The following UNC13C variants were observed in gnomAD, a reference collection of about 807,000 sequenced individuals.
The protein encoded by UNC13C is protein unc-13 homolog C.
UNC13C carries 174 observed loss-of-function variants against 245.4 expected under a neutral mutation model. The ratio of observed to expected loss-of-function variants is 0.71; its 90% CI spans 0.63 to 0.80. The LOEUF is 0.80. Ranked by LOEUF, UNC13C falls within the 30% of genes least tolerant of loss-of-function variation. The pLI is 0.00. For synonymous variants in UNC13C, 992 were observed against 895.1 expected, an observed-to-expected ratio of 1.11 and a Z score of -1.93; for missense variants, 2,829 against 2,602.9, an observed-to-expected ratio of 1.09 and a Z score of -1.89.
chr15:53,860,569 C>G, the UNC13C span, among the ~76,000 whole-genome samples: 1 of 152,112 alleles, frequency 6.6e-6, no homozygotes, highest in South Asian at 2.1e-4. Flanking sequence ...AAATCTGAAT[C>G]TCTCTTAGAA....
chr15:54,363,438 A>G (rs1276849185), intron 17 of UNC13C, among the ~76,000 whole-genome samples: 1 of 152,210 alleles, frequency 6.6e-6, no homozygotes, highest in East Asian at 1.9e-4. Context: ...CGAGGTGAAT[A>G]TGTCACAAGT....
At chr15:54,482,597 C>G (rs1253840670) in intron 19 of UNC13C, among the ~76,000 whole-genome samples, 5 of 60,044 alleles carry the variant, frequency 8.3e-5, no homozygotes, top group Non-Finnish European at 1.8e-4. Context: ...CAGAAGTTCT[C>G]TGTCTCTTCC....
intron 13 of UNC13C, among the ~76,000 whole-genome samples, chr15:54,317,359 C>T (rs573155597): frequency 1.1e-4 from 16 of 151,820 alleles, no homozygotes; most frequent in Admixed American, 2.0e-4. Context: ...CACATATAAC[C>T]TATGAATTAT....
At chr15:54,221,529 A>C (rs957152108) in intron 4 of UNC13C, among the ~76,000 whole-genome samples, 3 of 151,944 alleles carry the variant, frequency 2.0e-5, no homozygotes, top group Admixed American at 2.0e-4. Context: ...ATAGGTTTTC[A>C]TAGGTTATCA....
At chr15:54,459,731 A>G (rs1891734858) in intron 19 of UNC13C, among the ~76,000 whole-genome samples, 1 of 150,752 alleles carries the variant, frequency 6.6e-6, no homozygotes, top group Non-Finnish European at 1.5e-5. Flanking sequence ...TGTGTCTTTT[A>G]TTTCCAGAAG....
At chr15:54,022,328 T>G (rs1895936712) in intron 2 of UNC13C, among the ~76,000 whole-genome samples, 2 of 152,080 alleles carry the variant, frequency 1.3e-5, no homozygotes, top group African/African-American at 4.8e-5. Flanking sequence ...TCTTTTTTTT[T>G]TAAGCAACAG....
At chr15:54,028,768 G>T (rs1020515485) in intron 2 of UNC13C, among the ~76,000 whole-genome samples, 3 of 130,582 alleles carry the variant, frequency 2.3e-5, no homozygotes, top group Admixed American at 9.3e-5. Context: ...TTGGCTCACC[G>T]CAAGCTCCAC....
chr15:54,078,186 G>A (rs1217860527), intron 2 of UNC13C, among the ~76,000 whole-genome samples: 2 of 152,156 alleles, frequency 1.3e-5, no homozygotes, highest in African/African-American at 4.8e-5. Context: ...TTATAGCTGT[G>A]TGGCATTCTA....
chr15:54,012,341 A>G (rs1895418176), intron 1 of UNC13C, among the ~76,000 whole-genome samples: 1 of 152,176 alleles, frequency 6.6e-6, no homozygotes, highest in Non-Finnish European at 1.5e-5. Context: ...TGAAGTCAAT[A>G]TGGCTGTATA....
At chr15:54,454,162 C>T (rs188594193) in intron 19 of UNC13C, among the ~76,000 whole-genome samples, 6 of 151,248 alleles carry the variant, frequency 4.0e-5, no homozygotes, top group African/African-American at 7.3e-5. Context: ...CCATTTTAAC[C>T]ATTAATATGT....
chr15:54,466,852 C>T (rs1474789423), intron 19 of UNC13C, among the ~76,000 whole-genome samples: 1 of 151,686 alleles, frequency 6.6e-6, no homozygotes, highest in Admixed American at 6.6e-5. Flanking sequence ...TTAATAATGG[C>T]TATGCAAATA....
intron 18 of UNC13C, among the ~76,000 whole-genome samples, chr15:54,414,506 G>A (rs1266342206): frequency 6.6e-6 from 1 of 152,134 alleles, no homozygotes; most frequent in African/African-American, 2.4e-5. Context: ...AATTAGCCGG[G>A]CATGGTGGCA....
At chr15:54,483,961 CAT>C (rs34244425) in intron 19 of UNC13C, among the ~76,000 whole-genome samples, 62,363 of 151,506 alleles carry the variant, frequency 0.41, 13,036 homozygotes, top group East Asian at 0.62. Flanking sequence ...CACACACACA[CAT>C]GCACACTCAC....
chr15:54,424,510 C>T (rs554494149), intron 19 of UNC13C, among the ~76,000 whole-genome samples: 1 of 151,932 alleles, frequency 6.6e-6, no homozygotes, highest in South Asian at 2.1e-4. Context: ...TTAAGTGCGA[C>T]CTGGCTGCAA....
chr15:54,407,701 A>G (rs2140939271), intron 18 of UNC13C, among the ~76,000 whole-genome samples: 1 of 152,256 alleles, frequency 6.6e-6, no homozygotes, highest in Admixed American at 6.5e-5. Context: ...TCAGACCCCA[A>G]ATATTGTTTT....
chr15:54,049,328 C>A (rs566387780), intron 2 of UNC13C: 12 of 514,598 alleles, frequency 2.3e-5, no homozygotes, highest in South Asian at 1.7e-4. Flanking sequence ...GAATATAAAT[C>A]GATACTACTA....
At chr15:54,487,766 CAAAAAAAAAAA>C (rs5812760) in intron 19 of UNC13C, among the ~76,000 whole-genome samples, 3 of 62,768 alleles carry the variant, frequency 4.8e-5, no homozygotes, top group East Asian at 4.8e-4. Flanking sequence ...GATTCCATCT[CAAAAAAAAAAA>C]AAAAAAAAAA....
At chr15:54,622,985 A>T (rs963011579) in intron 31 of UNC13C, among the ~76,000 whole-genome samples, 1 of 152,224 alleles carries the variant, frequency 6.6e-6, no homozygotes, top group African/African-American at 2.4e-5. Context: ...ATTACATTAC[A>T]TATTGTATCT....
chr15:54,050,636 G>A (rs1897236946), intron 2 of UNC13C: 2 of 456,484 alleles, frequency 4.4e-6, no homozygotes, highest in Non-Finnish European at 8.6e-6. Context: ...AACTTATGAG[G>A]ACAAAGCTTT....
Sources: gnomAD v4.1 joint callset for allele counts (sites outside exome capture counted in the v4.1 genomes callset) on GRCh38, gnomAD v4.1.1 for gene constraint, MANE v1.5 for transcripts, NCBI Gene and HGNC (gene_info 2026-07-23, HGNC 2026-07-21) for gene names.